Variants in NUP205 observed in about 807,000 individuals in gnomAD.
NUP205 encodes the protein nucleoporin 205.
A neutral mutation model predicts 253.8 loss-of-function variants in NUP205; 76 were observed. The ratio of observed to expected loss-of-function variants is 0.30; its 90% CI spans 0.25 to 0.36. The LOEUF is 0.36. NUP205 is among the 10% of genes least tolerant of loss of function. The pLI, the probability that NUP205 is intolerant of heterozygous loss-of-function variation, is 1.00. For missense variants in NUP205, 2,162 were observed against 2,425.5 expected, an observed-to-expected ratio of 0.89 and a Z score of 2.28; for synonymous variants, 832 against 850.1, an observed-to-expected ratio of 0.98 and a Z score of 0.37.
At chr7:135,567,904 C>T (rs552256475) in intron 1 of NUP205, among the ~76,000 whole-genome samples, 3 of 152,204 alleles carry the variant, frequency 2.0e-5, no homozygotes, top group Admixed American at 1.3e-4. Context: ...GCTTTAGAGT[C>T]ATATTTTTTA....
intron 1 of NUP205, among the ~76,000 whole-genome samples, chr7:135,569,503 A>G (rs1446914300): frequency 6.6e-6 from 1 of 151,888 alleles, no homozygotes; most frequent in Non-Finnish European, 1.5e-5. Flanking sequence ...TGGTTAGGGC[A>G]CACTCTGATG....
chr7:135,641,737 T>TGGATCACCTGAGCCCAGGAGGTTGAGGC (rs1563140691), intron 38 of NUP205, among the ~76,000 whole-genome samples: 1 of 151,448 alleles, frequency 6.6e-6, no homozygotes, highest in Non-Finnish European at 1.5e-5. Context: ...GAGGTTGAGG[T>TGGATCACCTGAGCCCAGGAGGTTGAGGC]TGCAGTGATC....
rs762921994 is a variant in NUP205 at position 135,591,595 on chromosome 7, G to C, written c.1619G>C (p.Ser540Thr). 3 of 1,611,512 alleles carry C rather than the reference G, an allele frequency of 1.9e-6. No individual in the cohort carries two copies. The highest frequency in any genetic ancestry group is 2.5e-6 in the Non-Finnish European group (3 of 1,179,490). The change falls in exon 11 of 43, where the codon AGT becomes ACT. Residue 540 changes from serine to threonine, a missense_variant. Coordinates refer to ENST00000285968, the MANE Select transcript of NUP205 (RefSeq NM_015135.3). ...AGCCTGCTCAAAGTCAATGGTAGTA[G>C]TCATGGTAAGGAATATGTGGATGTT... ...CFSLLKVNGS[S>T]HVENIQGAGG...
At chr7:135,640,826 A>G (rs1309382890) in intron 38 of NUP205, among the ~76,000 whole-genome samples, 2 of 152,326 alleles carry the variant, frequency 1.3e-5, no homozygotes, top group East Asian at 3.9e-4. Context: ...AGAGTAAAAT[A>G]GTTAAATTAG....
intron 1 of NUP205, among the ~76,000 whole-genome samples, chr7:135,559,411 G>A (rs1221109962): frequency 2.6e-5 from 4 of 151,516 alleles, no homozygotes; most frequent in Admixed American, 2.6e-4. Flanking sequence ...TCTCCCAGGC[G>A]GGAGTGCAGT....
rs74379904 is a variant in NUP205 at position 135,567,176 on chromosome 7, A to T, written c.29-3929A>T. On this transcript the variant is annotated intron_variant, in intron 1 of 42. Coordinates refer to ENST00000285968, the MANE Select transcript of NUP205 (RefSeq NM_015135.3). ...TATATATATATATATATATATATATATATATGTATATATGGTCCCTCAGTA... is the reference window on the plus strand; with the variant it reads ...TATATATATATATATATATATATATTTATATGTATATATGGTCCCTCAGTA... Among the ~76,000 whole-genome samples the T allele has an allele frequency of 4.6e-5, 5 of 108,276 alleles. 1 individual carries two copies. In the South Asian group the frequency reaches 1.1e-3, roughly 23 times the overall value. 71.0% of individuals were successfully genotyped at this position (108,276 alleles called of 152,430 possible).
intron 14 of NUP205, 41 bp downstream of exon 14, chr7:135,597,459 C>T: frequency 8.5e-7 from 1 of 1,178,752 alleles, no homozygotes; most frequent in Non-Finnish European, 1.3e-6. Flanking sequence ...TTCATTCATG[C>T]ATGTAATGAT....
Position 135,587,952 on chromosome 7 carries a change from C to T in NUP205, c.1433C>T (p.Ser478Phe). 1.9e-6 allele frequency: 3 copies of T among 1,613,808 alleles called. No individual in the cohort carries two copies. The highest frequency in any genetic ancestry group is 1.1e-5 in the South Asian group (1 of 91,018). ...EPLQTPTIMGSYLGVAHQRPP... is the reference protein window; with the variant it reads ...EPLQTPTIMGFYLGVAHQRPP... The stretch of plus-strand genomic sequence containing the variant: ...CTTCAGACTCCGACTATCATGGGCT[C>T]TTATCTAGGGGTGGCTCATCAGCGG... Residue 478 changes from serine (S) to phenylalanine (F), a missense_variant, in exon 10 of 43, where the codon TCT becomes TTT. By Grantham distance (155) the Ser-to-Phe change is radical (BLOSUM62 -2). This residue lies in a region of NUP205 where 892 missense variants were observed against 957.1 expected (regional missense o/e 0.93). Coordinates refer to ENST00000285968, the MANE Select transcript of NUP205 (RefSeq NM_015135.3).
chr7:135,577,990 C>T lies in NUP205; in HGVS notation c.843C>T (p.Ile281=). Residue 281 remains isoleucine (I), a synonymous_variant, in exon 6 of 43, where the codon ATC becomes ATT. Coordinates refer to ENST00000285968, the MANE Select transcript of NUP205 (RefSeq NM_015135.3). ...LLMALLYCFD[I]SFIEQSTEER... ...TGGCGCTTCTATACTGTTTTGATAT[C>T]AGTTTTATAGAGCAAAGCACAGAGG... The T allele has an allele frequency of 1.2e-6, 2 of 1,613,586 alleles. No homozygotes were observed. Among genetic ancestry groups the T allele is most frequent in the Non-Finnish European group, 1.7e-6 (2 of 1,179,704 alleles).
chr7:135,560,243 A>G (rs1385096910), intron 1 of NUP205, among the ~76,000 whole-genome samples: 2 of 150,594 alleles, frequency 1.3e-5, no homozygotes, highest in Non-Finnish European at 3.0e-5. Flanking sequence ...TGATCCGCCT[A>G]CCTCGGCATC....
At position 135,598,148 on chromosome 7, in the gene NUP205, C is replaced by G. The variant is rs1472605279; in HGVS notation, c.2215C>G (p.Leu739Val). The part of the protein sequence containing the change: ...PPGFDPYLQF[L>V]RDSVFLRFRT... ...TGGCTTTGACCCTTATTTGCAGTTC[C>G]TTAGAGACTCTGTGTTTCTACGATT... Residue 739 changes from leucine (L) to valine (V), a missense_variant, in exon 15 of 43, where the codon CTT (leucine) becomes GTT (valine). Leu to Val is a conservative substitution (Grantham distance 32). This residue lies in a region of NUP205 where 892 missense variants were observed against 957.1 expected (regional missense o/e 0.93). Coordinates refer to ENST00000285968, the MANE Select transcript of NUP205 (RefSeq NM_015135.3). 6.2e-7 allele frequency: 1 copy of G among 1,614,092 alleles called. No homozygotes were observed. Among genetic ancestry groups the G allele is most frequent in the Non-Finnish European group, 8.5e-7 (1 of 1,180,008 alleles).
At chr7:135,614,498 C>T (rs893794913) in intron 23 of NUP205, among the ~76,000 whole-genome samples, 3 of 151,916 alleles carry the variant, frequency 2.0e-5, no homozygotes, top group Admixed American at 1.3e-4. Flanking sequence ...GATTCTCTTA[C>T]AACAAATAAA....
chr7:135,619,709 G>T lies in NUP205; in HGVS notation c.4231+19G>T. ...AAGACAGGTTTTTTTCATTTAAATTGTCTATAAATTCTATCTTTTGTATTT... is the reference window on the plus strand; with the variant it reads ...AAGACAGGTTTTTTTCATTTAAATTTTCTATAAATTCTATCTTTTGTATTT... On this transcript the variant is annotated intron_variant, in intron 29 of 42. Coordinates refer to ENST00000285968, the MANE Select transcript of NUP205 (RefSeq NM_015135.3). 1 of 1,601,390 alleles carries T rather than the reference G, an allele frequency of 6.2e-7. No homozygotes were observed. The highest frequency in any genetic ancestry group is 8.5e-7 in the Non-Finnish European group (1 of 1,173,686).
intron 19 of NUP205, among the ~76,000 whole-genome samples, chr7:135,604,688 A>G (rs1264867164): frequency 6.6e-6 from 1 of 152,224 alleles, no homozygotes; most frequent in Non-Finnish European, 1.5e-5. Context: ...TATGTGGCAC[A>G]CTGCTACTCT....
At chr7:135,580,001 T>C (rs1806261144) in intron 7 of NUP205, among the ~76,000 whole-genome samples, 1 of 152,218 alleles carries the variant, frequency 6.6e-6, no homozygotes. Flanking sequence ...TATTCTGCTA[T>C]TTACATTTAC....
chr7:135,573,939 G>T, intron 3 of NUP205, 114 bp downstream of exon 3: 2 of 815,704 alleles, frequency 2.5e-6, no homozygotes, highest in East Asian at 2.8e-5. Context: ...GCTGCAGTTT[G>T]GTAAAACCAT....
intron 1 of NUP205, chr7:135,558,345 A>G (rs1325795297): frequency 3.7e-6 from 1 of 272,864 alleles, no homozygotes; most frequent in African/African-American, 2.2e-5. Flanking sequence ...GACCCGAGAT[A>G]TTTTCCAGCC....
chr7:135,626,184 C>G, intron 32 of NUP205, 56 bp from the exon 33 acceptor site: 1 of 1,604,230 alleles, frequency 6.2e-7, no homozygotes, highest in Non-Finnish European at 8.5e-7. Flanking sequence ...GCACTTTTCT[C>G]TGAGGCCCTT....
chr7:135,564,496 A>G (rs978619211), intron 1 of NUP205, among the ~76,000 whole-genome samples: 5 of 150,648 alleles, frequency 3.3e-5, no homozygotes, highest in African/African-American at 1.2e-4. Flanking sequence ...TGATCTGCCC[A>G]CCTCGGCCTC....
Sources: gnomAD v4.1 joint callset for allele counts (sites outside exome capture counted in the v4.1 genomes callset) on GRCh38, gnomAD v4.1.1 for gene constraint, gnomAD v4.1.1 regional missense constraint, MANE v1.5 for transcripts, NCBI Gene and HGNC (gene_info 2026-07-23, HGNC 2026-07-21) for gene names.